Variants in OSBPL5 observed in about 807,000 individuals in gnomAD.
The protein encoded by OSBPL5 is oxysterol binding protein like 5.
Under a neutral mutation model 111.2 loss-of-function variants are expected in OSBPL5, and 71 were observed. The observed-to-expected ratio is 0.64, with a 90% confidence interval of 0.53 to 0.78. The LOEUF (loss-of-function observed/expected upper bound fraction) is 0.78. Ranked by LOEUF, OSBPL5 falls within the 30% of genes least tolerant of loss-of-function variation. The pLI is 0.00. For missense variants in OSBPL5, 1,210 were observed against 1,189.3 expected (o/e 1.02, Z -0.26); for synonymous variants, 549 against 513.9 (o/e 1.07, Z -0.93).
At chr11:3,094,187 G>T in intron 15 of OSBPL5, 50 bp downstream of exon 15, 2 of 1,557,544 alleles carry the variant, frequency 1.3e-6, no homozygotes, top group Non-Finnish European at 1.8e-6. Context: ...GATCCCCAAG[G>T]CTTCGTTCCT....
rs1252684293 is a variant in OSBPL5 at position 3,113,732 on chromosome 11, T to C, written c.692-5787A>G. ...AGTAAGATTACCATAACTTCTAATC[T>C]GGTGGCTTTAGGTAGTCTAGTCCAC... On this transcript the variant is annotated intron_variant, in intron 7 of 21. Coordinates refer to ENST00000263650, the MANE Select transcript of OSBPL5 (RefSeq NM_020896.4). The surrounding 1 kb of genome is among the most constrained non-coding windows in gnomAD (Gnocchi z 4.8). Among the ~76,000 whole-genome samples the C allele has an allele frequency of 6.6e-6, 1 of 152,220 alleles. No homozygotes were observed.
Position 3,104,484 on chromosome 11 carries a change from G to A in OSBPL5, c.1060-107C>T. 2 of 1,277,428 alleles carry A rather than the reference G, an allele frequency of 1.6e-6. No individual in the cohort carries two copies. Among genetic ancestry groups the A allele is most frequent in the Non-Finnish European group, 2.1e-6 (2 of 939,064 alleles). 79.1% of individuals were successfully genotyped at this position (1,277,428 alleles called of 1,614,324 possible). Reference sequence around the variant, plus strand: ...AGGAGGCTGTACCTGCCACCCCTTAGGGTGTAAACCCCTGACCTGGCCTCC... The same window carrying A: ...AGGAGGCTGTACCTGCCACCCCTTAAGGTGTAAACCCCTGACCTGGCCTCC... On this transcript the variant is annotated intron_variant, in intron 9 of 21. Coordinates refer to ENST00000263650, the MANE Select transcript of OSBPL5 (RefSeq NM_020896.4). The surrounding 1 kb of genome is among the most constrained non-coding windows in gnomAD (Gnocchi z 5.0).
chr11:3,114,269 A>C (rs1321278539), intron 7 of OSBPL5, among the ~76,000 whole-genome samples: 1 of 152,194 alleles, frequency 6.6e-6, no homozygotes, highest in East Asian at 1.9e-4. Context: ...AGATGTAAAG[A>C]AAGTTATAAA....
At chr11:3,160,643 T>A (rs1393913000) in intron 1 of OSBPL5, among the ~76,000 whole-genome samples, 23 of 148,780 alleles carry the variant, frequency 1.5e-4, no homozygotes, top group Admixed American at 1.5e-3. Flanking sequence ...CTGCTGACCA[T>A]CCCCAAAGTC....
chr11:3,147,383 C>T (rs901231395), intron 1 of OSBPL5, among the ~76,000 whole-genome samples: 3 of 152,246 alleles, frequency 2.0e-5, no homozygotes, highest in South Asian at 4.1e-4. Context: ...TGACCTCAAG[C>T]GGCCTGGGTC....
In OSBPL5 at chr11:3,113,497, A is replaced by C. The variant is rs192575125; in HGVS notation, c.692-5552T>G. Among the ~76,000 whole-genome samples the C allele has an allele frequency of 2.0e-5, 3 of 152,248 alleles. No homozygotes were observed. Among genetic ancestry groups the C allele is most frequent in the Non-Finnish European group, 4.4e-5 (3 of 68,012 alleles). Reference sequence around the variant, plus strand: ...TAGTGAAACCCCATCTCTACTAAAAATACAAAAATTAGCCAGGTGTGTTGG... The same window carrying C: ...TAGTGAAACCCCATCTCTACTAAAACTACAAAAATTAGCCAGGTGTGTTGG... On this transcript the variant is annotated intron_variant, in intron 7 of 21. Coordinates refer to ENST00000263650, the MANE Select transcript of OSBPL5 (RefSeq NM_020896.4). The surrounding 1 kb of genome is among the most constrained non-coding windows in gnomAD (Gnocchi z 4.8).
At chr11:3,096,148 T>C (rs1481232668) in intron 14 of OSBPL5, among the ~76,000 whole-genome samples, 1 of 152,194 alleles carries the variant, frequency 6.6e-6, no homozygotes, top group East Asian at 1.9e-4. Flanking sequence ...AGGACATCCA[T>C]GCACGGAGCA....
At position 3,126,576 on chromosome 11, in the gene OSBPL5, TGAGGA is replaced by T. The variant is rs776573407; in HGVS notation, c.137-26_137-22del. On this transcript the variant is annotated intron_variant, in intron 2 of 21. Coordinates refer to ENST00000263650, the MANE Select transcript of OSBPL5 (RefSeq NM_020896.4). The surrounding 1 kb of genome is among the most constrained non-coding windows in gnomAD (Gnocchi z 6.5). ...CTTCCCTGCAAGAGAGCAGTGGGAG[TGAGGA>T]CCCAGGCATGGTGGCGTGGCCAGGC... 195 of 1,593,966 alleles carry T rather than the reference TGAGGA, an allele frequency of 1.2e-4. No individual in the cohort carries two copies. The highest frequency in any genetic ancestry group is 5.1e-6 in the Non-Finnish European group (6 of 1,171,436).
rs1022815170 is a variant in OSBPL5, at chr11:3,088,684, A to G, written c.2502-341T>C. ...ATATGTTGGAGTCCTAACCCCTTGC[A>G]CCTTAGATAAGACTGTATTTGGAGA... is the stretch of plus-strand genomic sequence containing the variant. On this transcript the variant is annotated intron_variant, in intron 21 of 21. Transcript: ENST00000263650. 2.0e-5 allele frequency among the ~76,000 whole-genome samples: 3 copies of G among 152,096 alleles called. No individual in the cohort carries two copies. In the South Asian group the frequency reaches 6.2e-4, roughly 31 times the overall value.
chr11:3,108,043 C>A, intron 7 of OSBPL5, 98 bp from the exon 8 acceptor site: 1 of 1,465,714 alleles, frequency 6.8e-7, no homozygotes. Context: ...TCTGACTCTT[C>A]AGGGACCCAC....
intron 3 of OSBPL5, among the ~76,000 whole-genome samples, chr11:3,123,856 C>G (rs1480512063): frequency 1.3e-5 from 2 of 152,198 alleles, no homozygotes; most frequent in African/African-American, 4.8e-5. Context: ...CCTGGGAAAT[C>G]AAGGCACAGA....
rs59019289 is a variant in OSBPL5, at chr11:3,133,534, GCGGTCGCTCTCAGCGGCCTC to G, written c.-21-4385_-21-4366del. Among the ~76,000 whole-genome samples the G allele has an allele frequency of 4.3e-3, 655 of 152,316 alleles. 4 individuals carry two copies. Among genetic ancestry groups the G allele is most frequent in the African/African-American group, 0.015 (632 of 41,584 alleles). On this transcript the variant is annotated intron_variant, in intron 1 of 21. Coordinates refer to ENST00000263650, the MANE Select transcript of OSBPL5 (RefSeq NM_020896.4). ...CCTGAGGCCACCCAAGGTTGATGTGGCGGTCGCTCTCAGCGGCCTCCATGCCCTGGGGGGCTGGCCTGTCC... is the reference window on the plus strand; with the variant it reads ...CCTGAGGCCACCCAAGGTTGATGTGGCATGCCCTGGGGGGCTGGCCTGTCC...
At chr11:3,102,550 A>G (rs1223713594) in intron 11 of OSBPL5, among the ~76,000 whole-genome samples, 1 of 151,766 alleles carries the variant, frequency 6.6e-6, no homozygotes, top group African/African-American at 2.4e-5. Flanking sequence ...ACCTTGTCAC[A>G]CTCTCCTTGG....
chr11:3,090,090 G>C (rs764066848), intron 20 of OSBPL5, 142 bp from the exon 21 acceptor site: 4 of 618,420 alleles, frequency 6.5e-6, no homozygotes, highest in Non-Finnish European at 1.1e-5. Context: ...GCAGGGCCAA[G>C]CTGAAGACAC....
chr11:3,140,319 C>T lies in OSBPL5; in HGVS notation c.-21-11150G>A, dbSNP rs745648891. On this transcript the variant is annotated intron_variant, in intron 1 of 21. Coordinates refer to ENST00000263650, the MANE Select transcript of OSBPL5 (RefSeq NM_020896.4). The surrounding 1 kb of genome is among the most constrained non-coding windows in gnomAD (Gnocchi z 4.5). Reference sequence around the variant, plus strand: ...TGGTGCCACCCAGGAGTGACACACACAGCCAAGCTCTCCCCTGTATCCCTC... The same window carrying T: ...TGGTGCCACCCAGGAGTGACACACATAGCCAAGCTCTCCCCTGTATCCCTC... Among the ~76,000 whole-genome samples the T allele has an allele frequency of 6.6e-6, 1 of 152,214 alleles. No homozygotes were observed. Among genetic ancestry groups the T allele is most frequent in the Non-Finnish European group, 1.5e-5 (1 of 68,028 alleles).
chr11:3,162,166 G>A lies in OSBPL5; in HGVS notation c.-22+3050C>T, dbSNP rs897488933. ...CATGCTGGCTGCTGGCTGGAGAAGG[G>A]CTAGGAAGGCCACGAAAGGGGAGCC... On this transcript the variant is annotated intron_variant, in intron 1 of 21. Coordinates refer to ENST00000263650, the MANE Select transcript of OSBPL5 (RefSeq NM_020896.4). This position sits in a 1 kb window ranked among gnomAD's most constrained non-coding sequence, Gnocchi z 8.1. 2.0e-4 allele frequency among the ~76,000 whole-genome samples: 30 copies of A among 152,264 alleles called. No homozygotes were observed. The highest frequency in any genetic ancestry group is 7.2e-4 in the African/African-American group (30 of 41,528).
intron 7 of OSBPL5, among the ~76,000 whole-genome samples, chr11:3,116,680 C>T (rs2134447523): frequency 6.6e-6 from 1 of 152,094 alleles, no homozygotes; most frequent in East Asian, 1.9e-4. Context: ...CATGGTGAAA[C>T]CCCATCTCTA....
At chr11:3,148,011 C>T (rs2134532386) in intron 1 of OSBPL5, among the ~76,000 whole-genome samples, 1 of 152,324 alleles carries the variant, frequency 6.6e-6, no homozygotes, top group Non-Finnish European at 1.5e-5. Context: ...TCATCCTCCG[C>T]ACGCCCCCGG....
intron 2 of OSBPL5, among the ~76,000 whole-genome samples, chr11:3,127,254 A>G (rs1378666293): frequency 6.6e-6 from 1 of 152,152 alleles, no homozygotes; most frequent in African/African-American, 2.4e-5. Context: ...GCGAGGGTTG[A>G]CTGCCCCGGT....
Sources: gnomAD v4.1 joint callset for allele counts (sites outside exome capture counted in the v4.1 genomes callset) on GRCh38, gnomAD v4.1.1 for gene constraint, Gnocchi (gnomAD v3.1) non-coding constraint, MANE v1.5 for transcripts, NCBI Gene and HGNC (gene_info 2026-07-23, HGNC 2026-07-21) for gene names.